The following WWOX variants were observed in gnomAD, a reference collection of about 807,000 sequenced individuals.
The protein encoded by WWOX is WW domain containing oxidoreductase.
In WWOX, 69 loss-of-function variants were observed where a neutral mutation model predicts 46.2. The ratio of observed to expected loss-of-function variants is 1.49; its 90% CI spans 1.23 to 1.82. WWOX has a LOEUF of 1.82. Ranked by LOEUF, WWOX falls within the 40% of genes most tolerant of loss-of-function variation. The probability of loss-of-function intolerance (pLI) is 0.00; values close to 1 mark genes in which losing one functional copy is unlikely to be tolerated. For missense variants in WWOX, 919 were observed against 542.6 expected (o/e 1.69, Z -6.89); for synonymous variants, 359 against 202.6 (o/e 1.77, Z -6.56).
chr16:79,156,910 G>A (rs907209871), intron 8 of WWOX, among the ~76,000 whole-genome samples: 6 of 152,092 alleles, frequency 3.9e-5, no homozygotes, highest in Non-Finnish European at 7.3e-5. Flanking sequence ...TTTTCATGTC[G>A]AATATGTAGA....
chr16:78,258,214 G>A (rs183053948), intron 5 of WWOX, among the ~76,000 whole-genome samples: 1 of 152,144 alleles, frequency 6.6e-6, no homozygotes, highest in African/African-American at 2.4e-5. Flanking sequence ...AAACAAACCA[G>A]TCATATCATA....
intron 1 of WWOX, among the ~76,000 whole-genome samples, chr16:78,105,458 C>CA (rs61383923): frequency 0.27 from 34,179 of 126,368 alleles, 4,252 homozygotes; most frequent in Non-Finnish European, 0.34. Context: ...GACTCTGTCT[C>CA]AAAAAAAAAA....
At chr16:79,067,709 G>T (rs950372262) in intron 8 of WWOX, among the ~76,000 whole-genome samples, 7 of 152,154 alleles carry the variant, frequency 4.6e-5, no homozygotes, top group Admixed American at 3.9e-4. Flanking sequence ...CCGCAAGAAG[G>T]TAAACTCATC....
intron 8 of WWOX, among the ~76,000 whole-genome samples, chr16:78,727,289 C>G (rs902982521): frequency 6.6e-6 from 1 of 152,162 alleles, no homozygotes; most frequent in Non-Finnish European, 1.5e-5. Flanking sequence ...ATCCCAGCTG[C>G]TAGGGAGGCT....
At chr16:78,596,698 G>A (rs2045499599) in intron 8 of WWOX, among the ~76,000 whole-genome samples, 1 of 152,172 alleles carries the variant, frequency 6.6e-6, no homozygotes, top group Non-Finnish European at 1.5e-5. Context: ...TCAGTTGAGA[G>A]GTAAGCCGGG....
At chr16:78,914,493 A>T (rs1430592684) in intron 8 of WWOX, among the ~76,000 whole-genome samples, 1 of 152,044 alleles carries the variant, frequency 6.6e-6, no homozygotes, top group East Asian at 1.9e-4. Flanking sequence ...AAGATTTCTT[A>T]TGTGATTAAC....
chr16:78,543,563 C>T (rs564631748), intron 8 of WWOX, among the ~76,000 whole-genome samples: 5 of 152,306 alleles, frequency 3.3e-5, no homozygotes, highest in East Asian at 3.9e-4. Context: ...TGGCCAAATT[C>T]TGTTTGAAGC....
chr16:78,485,751 C>T (rs769400269), intron 8 of WWOX, among the ~76,000 whole-genome samples: 17 of 152,180 alleles, frequency 1.1e-4, no homozygotes, highest in East Asian at 1.9e-4. Context: ...GCCGCGGAGC[C>T]GCTTTTCCAA....
At chr16:78,818,993 G>T (rs138148422) in intron 8 of WWOX, among the ~76,000 whole-genome samples, 1 of 152,328 alleles carries the variant, frequency 6.6e-6, no homozygotes, top group Non-Finnish European at 1.5e-5. Context: ...AATCCTCATT[G>T]TGCTTAGCTC....
intron 8 of WWOX, among the ~76,000 whole-genome samples, chr16:78,929,245 C>T (rs1490059042): frequency 2.2e-5 from 3 of 139,490 alleles, no homozygotes; most frequent in Non-Finnish European, 3.1e-5. Context: ...TTTATGTTAT[C>T]ATACAGTGAT....
chr16:78,252,062 A>G, intron 5 of WWOX, among the ~76,000 whole-genome samples: 1 of 152,150 alleles, frequency 6.6e-6, no homozygotes, highest in Non-Finnish European at 1.5e-5. Flanking sequence ...GATCTCTGGG[A>G]TGAGAGCAAG....
intron 5 of WWOX, chr16:78,179,594 A>C (rs1400698520): frequency 1.3e-5 from 2 of 152,242 alleles, no homozygotes; most frequent in Non-Finnish European, 2.9e-5. Flanking sequence ...TAATAATAAT[A>C]ATAACAGTAG....
intron 8 of WWOX, among the ~76,000 whole-genome samples, chr16:78,911,971 G>C (rs2045123560): frequency 6.6e-6 from 1 of 152,042 alleles, no homozygotes; most frequent in African/African-American, 2.4e-5. Context: ...ATTATGAACA[G>C]GCAGACTGGT....
At chr16:78,125,195 T>G (rs2033308765) in intron 4 of WWOX, among the ~76,000 whole-genome samples, 1 of 152,186 alleles carries the variant, frequency 6.6e-6, no homozygotes, top group African/African-American at 2.4e-5. Flanking sequence ...CATATTTAAT[T>G]CTCAGCACCG....
rs546473663 is a variant in WWOX at position 78,992,867 on chromosome 16, A to G, written c.1057-218741A>G. On this transcript the variant is annotated intron_variant, in intron 8 of 8. Coordinates refer to ENST00000566780, the MANE Select transcript of WWOX (RefSeq NM_016373.4). ...CAAACCTTCTAAGTAGGCAGTCAGG[A>G]TTTAACGACCCGCAAATTTCCAATT... Among the ~76,000 whole-genome samples, 6 of 152,226 alleles carry G rather than the reference A, an allele frequency of 3.9e-5. No homozygotes were observed. The East Asian group carries it at 9.7e-4, about 25-fold the overall frequency.
intron 5 of WWOX, among the ~76,000 whole-genome samples, chr16:78,219,497 C>T (rs1399754852): frequency 6.6e-6 from 1 of 152,172 alleles, no homozygotes; most frequent in Non-Finnish European, 1.5e-5. Flanking sequence ...ACATTTTTCT[C>T]TTTAATGTAA....
intron 8 of WWOX, among the ~76,000 whole-genome samples, chr16:79,149,836 C>T (rs1334680764): frequency 6.6e-6 from 1 of 152,160 alleles, no homozygotes; most frequent in Non-Finnish European, 1.5e-5. Flanking sequence ...TATACCCCAT[C>T]AGCCATCTTG....
intron 8 of WWOX, among the ~76,000 whole-genome samples, chr16:78,696,974 T>C (rs1214231726): frequency 6.6e-6 from 1 of 151,556 alleles, no homozygotes; most frequent in East Asian, 1.9e-4. Flanking sequence ...CCCATCCAGG[T>C]TGCTGAAAAT....
At chr16:78,515,548 C>A (rs1423198881) in intron 8 of WWOX, among the ~76,000 whole-genome samples, 1 of 152,142 alleles carries the variant, frequency 6.6e-6, no homozygotes, top group East Asian at 1.9e-4. Context: ...TGTCTATGAA[C>A]GTTTTTAGAA....
Sources: allele counts gnomAD v4.1 joint callset (sites outside exome capture counted in the v4.1 genomes callset), GRCh38; gene constraint gnomAD v4.1.1; transcripts MANE v1.5; gene names NCBI Gene and HGNC (gene_info 2026-07-23, HGNC 2026-07-21).